The following SIPA1L1 variants were observed in gnomAD, a reference collection of about 807,000 sequenced individuals.
SIPA1L1 encodes the protein signal induced proliferation associated 1 like 1, also known as signal-induced proliferation-associated 1-like protein 1.
Under a neutral mutation model 162.7 loss-of-function variants are expected in SIPA1L1, and 26 were observed. The observed-to-expected ratio is 0.16, with a 90% CI of 0.12 to 0.22. The LOEUF is 0.22. Among genes scored for constraint, SIPA1L1 ranks in the 10% least tolerant of loss-of-function variants. The pLI is 1.00. For synonymous variants in SIPA1L1, 829 were observed against 837.4 expected (o/e 0.99, Z 0.17); for missense variants, 1,874 against 2,241.0 (o/e 0.84, Z 3.31).
chr14:71,452,294 A>G (rs975004676), intron 2 of SIPA1L1, among the ~76,000 whole-genome samples: 9 of 152,156 alleles, frequency 5.9e-5, no homozygotes, highest in Non-Finnish European at 1.3e-4. Context: ...AAATGAAATA[A>G]TATAATATGT....
At chr14:71,624,016 A>G (rs375255595) in intron 6 of SIPA1L1, 32 bp from the exon 7 acceptor site, 2 of 1,553,908 alleles carry the variant, frequency 1.3e-6, no homozygotes, top group African/African-American at 2.7e-5. Flanking sequence ...CACATCCCAG[A>G]AGCCTCACCA....
chr14:71,688,991 C>T (rs556602608), intron 13 of SIPA1L1, among the ~76,000 whole-genome samples: 23 of 152,278 alleles, frequency 1.5e-4, no homozygotes, highest in Non-Finnish European at 2.5e-4. Context: ...ACTTAAGTAA[C>T]CATGGATGGA....
At chr14:71,721,672 C>T (rs1597218873) in intron 17 of SIPA1L1, among the ~76,000 whole-genome samples, 2 of 152,214 alleles carry the variant, frequency 1.3e-5, no homozygotes, top group Admixed American at 6.5e-5. Flanking sequence ...TGTAGTCTTT[C>T]CTTTCCTTTC....
chr14:71,440,119 AG>A (rs2044716772), intron 2 of SIPA1L1, among the ~76,000 whole-genome samples: 1 of 152,102 alleles, frequency 6.6e-6, no homozygotes, highest in Admixed American at 6.6e-5. Flanking sequence ...TCTGCCTCCC[AG>A]GTTGAAGCAA....
intron 10 of SIPA1L1, among the ~76,000 whole-genome samples, 168 bp from the exon 11 acceptor site, chr14:71,670,951 A>G (rs945544392): frequency 6.6e-6 from 1 of 152,246 alleles, no homozygotes; most frequent in African/African-American, 2.4e-5. Flanking sequence ...ATGCGGTAGA[A>G]TGAAAAAATA....
At chr14:71,672,919 T>C (rs1422431942) in intron 12 of SIPA1L1, among the ~76,000 whole-genome samples, 1 of 152,238 alleles carries the variant, frequency 6.6e-6, no homozygotes, top group Non-Finnish European at 1.5e-5. Context: ...AATTTTCCAC[T>C]GGGAGCTGAG....
At chr14:71,392,308 C>T (rs2040825406) in intron 2 of SIPA1L1, among the ~76,000 whole-genome samples, 1 of 152,184 alleles carries the variant, frequency 6.6e-6, no homozygotes, top group Admixed American at 6.5e-5. Context: ...TCTTCTCACT[C>T]GCCTGTCACC....
chr14:71,381,113 C>T (rs930430502), intron 2 of SIPA1L1, among the ~76,000 whole-genome samples: 1 of 152,134 alleles, frequency 6.6e-6, no homozygotes, highest in African/African-American at 2.4e-5. Context: ...AGTCCAGTGG[C>T]GTGATCTTGG....
chr14:71,567,109 T>C (rs2030795956), intron 4 of SIPA1L1, among the ~76,000 whole-genome samples: 1 of 152,188 alleles, frequency 6.6e-6, no homozygotes, highest in African/African-American at 2.4e-5. Flanking sequence ...ATATTAGTCA[T>C]AATTTAAAAG....
At chr14:71,500,880 C>T (rs1369285147) in intron 2 of SIPA1L1, among the ~76,000 whole-genome samples, 1 of 152,118 alleles carries the variant, frequency 6.6e-6, no homozygotes, top group East Asian at 1.9e-4. Context: ...GTGGCGCATG[C>T]CTATAATCTC....
intron 2 of SIPA1L1, among the ~76,000 whole-genome samples, chr14:71,510,440 G>T (rs1241510786): frequency 1.3e-5 from 2 of 151,694 alleles, no homozygotes; most frequent in Admixed American, 1.3e-4. Context: ...CACCCAGGTC[G>T]GCCTCCCAAA....
At chr14:71,466,833 A>G (rs895680313) in intron 2 of SIPA1L1, among the ~76,000 whole-genome samples, 1 of 152,210 alleles carries the variant, frequency 6.6e-6, no homozygotes, top group Non-Finnish European at 1.5e-5. Context: ...CACAGAACCA[A>G]TGTAATGGCA....
chr14:71,414,853 T>G (rs1221390143), intron 2 of SIPA1L1, among the ~76,000 whole-genome samples: 1 of 152,244 alleles, frequency 6.6e-6, no homozygotes, highest in Non-Finnish European at 1.5e-5. Flanking sequence ...GTGACTGTAC[T>G]GGCTTACTCA....
chr14:71,642,529 C>T (rs999626587), intron 7 of SIPA1L1, among the ~76,000 whole-genome samples: 13 of 152,156 alleles, frequency 8.5e-5, no homozygotes, highest in Admixed American at 5.9e-4. Context: ...TGTCGTACAA[C>T]CAAGAGTTTA....
At chr14:71,394,762 C>T (rs2041045513) in intron 2 of SIPA1L1, among the ~76,000 whole-genome samples, 1 of 152,144 alleles carries the variant, frequency 6.6e-6, no homozygotes, top group Non-Finnish European at 1.5e-5. Context: ...CCCAAGGTAC[C>T]ATCTAAAGTT....
intron 2 of SIPA1L1, among the ~76,000 whole-genome samples, chr14:71,388,215 T>C (rs1305787456): frequency 6.6e-6 from 1 of 152,240 alleles, no homozygotes; most frequent in African/African-American, 2.4e-5. Flanking sequence ...TTTAGGATAA[T>C]GTACCACAAG....
chr14:71,359,227 G>A (rs1366969785), intron 2 of SIPA1L1, among the ~76,000 whole-genome samples: 2 of 152,130 alleles, frequency 1.3e-5, no homozygotes, highest in African/African-American at 2.4e-5. Flanking sequence ...TTTATAAAGG[G>A]CAGTTCCCCT....
intron 2 of SIPA1L1, among the ~76,000 whole-genome samples, chr14:71,374,694 G>GTTTT (rs35302982): frequency 7.2e-6 from 1 of 139,194 alleles, no homozygotes; most frequent in Non-Finnish European, 1.5e-5. Flanking sequence ...CGTTTTGAAA[G>GTTTT]TTTTTTTTTT....
chr14:71,330,745 A>T, intron 2 of SIPA1L1: 1 of 827,790 alleles, frequency 1.2e-6, no homozygotes, highest in Admixed American at 1.7e-5. Context: ...ATCATAAGGA[A>T]TCTGGCTGTC....
Sources: gnomAD v4.1 joint callset for allele counts (sites outside exome capture counted in the v4.1 genomes callset) on GRCh38, gnomAD v4.1.1 for gene constraint, MANE v1.5 for transcripts, NCBI Gene and HGNC (gene_info 2026-07-23, HGNC 2026-07-21) for gene names.